The following RPS6KB2 variants were observed in gnomAD, a reference collection of about 807,000 sequenced individuals.
The protein encoded by RPS6KB2 is ribosomal protein S6 kinase B2, also known as ribosomal protein S6 kinase beta-2.
In RPS6KB2, 51 loss-of-function variants were observed where a neutral mutation model predicts 58.2. That is an observed-to-expected ratio of 0.88 (90% confidence interval 0.70 to 1.11). The LOEUF (loss-of-function observed/expected upper bound fraction) is 1.11, where lower values mean the gene tolerates loss of function less well. Among genes scored for constraint, RPS6KB2 ranks in the 50% least tolerant of loss-of-function variants. The probability of loss-of-function intolerance (pLI) is 0.00; values close to 1 mark genes in which losing one functional copy is unlikely to be tolerated. For missense variants in RPS6KB2, 671 were observed against 655.8 expected (o/e 1.02, Z -0.25); for synonymous variants, 293 against 258.6 (o/e 1.13, Z -1.28).
At chr11:67,432,462 A>G in intron 5 of RPS6KB2, 138 bp from the exon 6 acceptor site, 1 of 897,596 alleles carries the variant, frequency 1.1e-6, no homozygotes, top group African/African-American at 1.6e-5. Context: ...GCTGAATTGA[A>G]TTGAATCCCC....
chr11:67,431,594 C>G, intron 5 of RPS6KB2, 79 bp downstream of exon 5: 1 of 1,474,104 alleles, frequency 6.8e-7, no homozygotes, highest in Middle Eastern at 2.2e-4. Context: ...TGGGGGGAAG[C>G]TCTTGAGAGA....
At position 67,434,653 on chromosome 11, in the gene RPS6KB2, C is replaced by T. The variant is rs2135130258; in HGVS notation, c.1227C>T (p.Arg409=). The change falls in exon 14 of 15, where the codon CGC becomes CGT. Residue 409 remains arginine (R), a synonymous_variant. Coordinates refer to ENST00000312629, the MANE Select transcript of RPS6KB2 (RefSeq NM_003952.3). ...KEGFSFQPKL[R]SPRRLNSSPR... ...GCTTCTCCTTCCAGCCCAAGCTGCGCTCACCCAGGCGCCTCAACAGTAGCC... is the reference window on the plus strand; with the variant it reads ...GCTTCTCCTTCCAGCCCAAGCTGCGTTCACCCAGGCGCCTCAACAGTAGCC... The T allele has an allele frequency of 1.2e-6, 2 of 1,610,706 alleles. No homozygotes were observed. The highest frequency in any genetic ancestry group is 2.2e-5 in the South Asian group (2 of 90,858).
chr11:67,434,578 C>G lies in RPS6KB2; in HGVS notation c.1156-4C>G, dbSNP rs564868474. Reference sequence around the variant, plus strand: ...TGTCGCATGGCCCTGCCTCCGCCCCCCAGGGCTTCACATACGTGGCGCCGT... The same window carrying G: ...TGTCGCATGGCCCTGCCTCCGCCCCGCAGGGCTTCACATACGTGGCGCCGT... On this transcript the variant is annotated splice_polypyrimidine_tract_variant and splice_region_variant and intron_variant, in intron 13 of 14. Coordinates refer to ENST00000312629, the MANE Select transcript of RPS6KB2 (RefSeq NM_003952.3). 12 of 1,602,848 alleles carry G rather than the reference C, an allele frequency of 7.5e-6. No homozygotes were observed. The highest frequency in any genetic ancestry group is 2.2e-5 in the East Asian group (1 of 44,590).
At chr11:67,429,393 C>G in intron 3 of RPS6KB2, 134 bp from the exon 4 acceptor site, 1 of 1,362,614 alleles carries the variant, frequency 7.3e-7, no homozygotes, top group Non-Finnish European at 1.0e-6. Context: ...CCTCTCCAAT[C>G]GGACTTGAAA....
Position 67,434,431 on chromosome 11 carries a change from G to A in RPS6KB2, c.1102G>A (p.Val368Met), listed in dbSNP as rs55642995. ...TACCCGCTTCACACGGCAGACGCCG[G>A]TGGACAGTCCTGATGACACAGCCCT... The part of the protein sequence containing the change: ...FDTRFTRQTP[V>M]DSPDDTALSE... Residue 368 changes from valine (V) to methionine (M), a missense_variant, in exon 13 of 15, where the codon GTG becomes ATG. Transcript: ENST00000312629. 4.5e-5 allele frequency: 72 copies of A among 1,613,072 alleles called. 1 individual carries two copies. In the African/African-American group the frequency reaches 5.3e-4, roughly 12 times the overall value.
rs886753948 is a variant in RPS6KB2, at chr11:67,434,249, G to C, written c.1021G>C (p.Val341Leu). ...TTGGGACGACCTTCTGGCCTGGCGT[G>C]TGGACCCCCCTTTCAGGCCCTGTCT... ...MNWDDLLAWR[V>L]DPPFRPCLQS... Residue 341 changes from valine to leucine, a missense_variant, in exon 12 of 15, where the codon GTG becomes CTG. Physicochemically the swap from Val to Leu is conservative, Grantham distance 32 (BLOSUM62 1). Coordinates refer to ENST00000312629, the MANE Select transcript of RPS6KB2 (RefSeq NM_003952.3). 1 of 1,613,792 alleles carries C rather than the reference G, an allele frequency of 6.2e-7. No homozygotes were observed. The highest frequency in any genetic ancestry group is 8.5e-7 in the Non-Finnish European group (1 of 1,180,032).
chr11:67,435,286 C>T lies in RPS6KB2; in HGVS notation c.*117C>T, dbSNP rs1021988598. 2.3e-5 allele frequency: 22 copies of T among 973,618 alleles called. No homozygotes were observed. The highest frequency in any genetic ancestry group is 2.6e-5 in the Non-Finnish European group (18 of 680,308). The allele number at this position is 973,618 out of a possible 1,614,324, so 60.3% of individuals were successfully genotyped here. On this transcript the variant is annotated 3_prime_UTR_variant, in exon 15 of 15. Coordinates refer to ENST00000312629, the MANE Select transcript of RPS6KB2 (RefSeq NM_003952.3). Reference sequence around the variant, plus strand: ...TGTGTCTGGGGGTGGGGTGTGAGTGCGTATGAAAGTGTGTGTCTGCTGGGG... The same window carrying T: ...TGTGTCTGGGGGTGGGGTGTGAGTGTGTATGAAAGTGTGTGTCTGCTGGGG...
intron 1 of RPS6KB2, 43 bp downstream of exon 1, chr11:67,428,666 CT>C (rs1277559621): frequency 1.3e-6 from 2 of 1,562,224 alleles, no homozygotes; most frequent in Non-Finnish European, 1.7e-6. Flanking sequence ...GGAGCCGATC[CT>C]GTCACCCAGC....
rs919761459 is a variant in RPS6KB2, at chr11:67,434,224, T to A, written c.996T>A (p.Asn332Lys). Residue 332 changes from asparagine (N) to lysine (K), a missense_variant, in exon 12 of 15, where the codon AAT becomes AAA. Physicochemically the swap from Asn to Lys is moderately conservative, Grantham distance 94. Coordinates refer to ENST00000312629, the MANE Select transcript of RPS6KB2 (RefSeq NM_003952.3). The stretch of plus-strand genomic sequence containing the variant: ...GACATCCCTTTTTCCGGCACATGAA[T>A]TGGGACGACCTTCTGGCCTGGCGTG... The part of the protein sequence containing the change: ...VQRHPFFRHM[N>K]WDDLLAWRVD... The A allele has an allele frequency of 6.2e-7, 1 of 1,613,852 alleles. No individual in the cohort carries two copies. Among genetic ancestry groups the A allele is most frequent in the Non-Finnish European group, 8.5e-7 (1 of 1,180,024 alleles).
At position 67,435,047 on chromosome 11, in the gene RPS6KB2, A is replaced by G; in HGVS notation, c.1327A>G (p.Thr443Ala). 6.2e-7 allele frequency: 1 copy of G among 1,612,968 alleles called. No individual in the cohort carries two copies. Among genetic ancestry groups the G allele is most frequent in the Middle Eastern group, 1.7e-4 (1 of 6,060 alleles). ...FRPSPSLPEPTELPLPPLLPP... is the reference protein window; with the variant it reads ...FRPSPSLPEPAELPLPPLLPP... The stretch of plus-strand genomic sequence containing the variant: ...GCCCAGCCCCAGCCTGCCGGAGCCC[A>G]CGGAGCTACCTCTACCTCCACTCCT... The change falls in exon 15 of 15, where the codon ACG becomes GCG. Residue 443 changes from threonine to alanine, a missense_variant. Physicochemically the swap from Thr to Ala is moderately conservative, Grantham distance 58. Transcript: ENST00000312629.
intron 2 of RPS6KB2, 31 bp downstream of exon 2, chr11:67,429,053 A>G: frequency 6.2e-7 from 1 of 1,611,606 alleles, no homozygotes; most frequent in Non-Finnish European, 8.5e-7. Flanking sequence ...GGGAGGGGGG[A>G]ATGGAGTGGG....
Position 67,435,183 on chromosome 11 carries a change from G to A in RPS6KB2, c.*14G>A. The A allele has an allele frequency of 1.9e-6, 3 of 1,545,720 alleles. No homozygotes were observed. The highest frequency in any genetic ancestry group is 2.6e-6 in the Non-Finnish European group (3 of 1,150,476). On this transcript the variant is annotated 3_prime_UTR_variant, in exon 15 of 15. Coordinates refer to ENST00000312629, the MANE Select transcript of RPS6KB2 (RefSeq NM_003952.3). ...CCAGGGCGCTAGGAAGCCGGGTGGG[G>A]GTGAGGGTAGCCCTTGAGCCCTGTC...
rs768676734 is a variant in RPS6KB2, at chr11:67,434,665, C to T, written c.1239C>T (p.Arg413=). The change falls in exon 14 of 15, where the codon CGC becomes CGT. Residue 413 remains arginine, a synonymous_variant. Transcript: ENST00000312629. ...SFQPKLRSPR[R]LNSSPRAPVS... ...AGCCCAAGCTGCGCTCACCCAGGCGCCTCAACAGTAGCCCCCGGGCCCCCG... is the reference window on the plus strand; with the variant it reads ...AGCCCAAGCTGCGCTCACCCAGGCGTCTCAACAGTAGCCCCCGGGCCCCCG... 6.2e-7 allele frequency: 1 copy of T among 1,610,312 alleles called. No individual in the cohort carries two copies. The highest frequency in any genetic ancestry group is 2.2e-5 in the East Asian group (1 of 44,794).
chr11:67,431,542 G>A, intron 5 of RPS6KB2, 27 bp downstream of exon 5: 7 of 1,607,560 alleles, frequency 4.4e-6, no homozygotes, highest in Non-Finnish European at 6.0e-6. Flanking sequence ...AGGCAGGGGT[G>A]CTGGGGGTCG....
At chr11:67,434,557 G>A (rs757588281) in intron 13 of RPS6KB2, 25 bp from the exon 14 acceptor site, 21 of 1,592,860 alleles carry the variant, frequency 1.3e-5, no homozygotes, top group East Asian at 6.8e-5. Flanking sequence ...ACTGAGTGTC[G>A]CATGGCCCTG....
At chr11:67,429,652 A>G in intron 4 of RPS6KB2, 57 bp downstream of exon 4, 2 of 1,404,728 alleles carry the variant, frequency 1.4e-6, no homozygotes, top group Non-Finnish European at 1.0e-6. Context: ...AACATGCTGT[A>G]CCAGGCTTTG....
Position 67,429,018 on chromosome 11 carries a change from C to G in RPS6KB2, c.115C>G (p.Leu39Val), listed in dbSNP as rs1311442124. ...CPLAELRAAG[L>V]EPVGHYEEVE... The stretch of plus-strand genomic sequence containing the variant: ...CCTTGCCGAGTTGAGGGCAGCTGGC[C>G]TAGAGTGAGTGAGGGTCGTGTTGGG... The change falls in exon 2 of 15, where the codon CTA becomes GTA. Residue 39 changes from leucine to valine, a missense_variant. Physicochemically the swap from Leu to Val is conservative, Grantham distance 32. Coordinates refer to ENST00000312629, the MANE Select transcript of RPS6KB2 (RefSeq NM_003952.3). The G allele has an allele frequency of 6.2e-7, 1 of 1,613,742 alleles. No homozygotes were observed. The highest frequency in any genetic ancestry group is 1.3e-5 in the African/African-American group (1 of 74,854).
chr11:67,432,399 C>T, intron 5 of RPS6KB2: 2 of 703,044 alleles, frequency 2.8e-6, no homozygotes, highest in Non-Finnish European at 5.2e-6. Flanking sequence ...TCATCCTGTC[C>T]CCAGCTTCAC....
At chr11:67,430,230 TGAGTAGTTGGGACTACA>T (rs1450285306) in intron 4 of RPS6KB2, 2 of 152,038 alleles carry the variant, frequency 1.3e-5, no homozygotes, top group Non-Finnish European at 2.9e-5. Context: ...CTCAGCCTCC[TGAGTAGTTGGGACTACA>T]GGCTTGTGCC....
Sources: gnomAD v4.1 joint callset for allele counts on GRCh38, gnomAD v4.1.1 for gene constraint, MANE v1.5 for transcripts, NCBI Gene and HGNC (gene_info 2026-07-23, HGNC 2026-07-21) for gene names.